LEKR1: variants seen among roughly 807,000 people sequenced by gnomAD.
The protein encoded by LEKR1 is leucine, glutamate and lysine rich 1, also known as protein LEKR1.
LEKR1 carries 59 observed loss-of-function variants against 72.4 expected under a neutral mutation model. The ratio of observed to expected loss-of-function variants is 0.82; its 90% CI spans 0.66 to 1.01. The LOEUF (loss-of-function observed/expected upper bound fraction) is 1.01. Among genes scored for constraint, LEKR1 ranks in the 50% least tolerant of loss-of-function variants. The pLI, the probability that LEKR1 is intolerant of heterozygous loss-of-function variation, is 0.00. For synonymous variants in LEKR1, 257 were observed against 263.2 expected (o/e 0.98, Z 0.23); for missense variants, 728 against 759.2 (o/e 0.96, Z 0.48).
rs187616472 is a variant in LEKR1 at position 156,875,614 on chromosome 3, A to G, written c.263+22632A>G. On this transcript the variant is annotated intron_variant, in intron 3 of 12. Transcript: ENST00000356539. ...GAACTTAATGACTACACCAACATCT[A>G]GAAGAGTTCCAATGTTATCTTCTGG... Among the ~76,000 whole-genome samples the G allele has an allele frequency of 3.0e-4, 46 of 152,242 alleles. 1 individual carries two copies. The highest frequency in any genetic ancestry group is 2.9e-5 in the Non-Finnish European group (2 of 68,028).
intron 2 of LEKR1, among the ~76,000 whole-genome samples, chr3:156,843,399 T>C (rs536883592): frequency 6.6e-6 from 1 of 152,244 alleles, no homozygotes; most frequent in South Asian, 2.1e-4. Flanking sequence ...TTTTGTTTTT[T>C]TAAAATGGTG....
chr3:156,992,869 A>T (rs2108009617), intron 8 of LEKR1, 139 bp downstream of exon 8: 1 of 385,324 alleles, frequency 2.6e-6, no homozygotes, highest in South Asian at 7.0e-5. Flanking sequence ...TCAAGCTTAT[A>T]TTATCTTGCA....
chr3:157,007,093 T>A (rs1732507149), intron 9 of LEKR1, among the ~76,000 whole-genome samples: 1 of 152,022 alleles, frequency 6.6e-6, no homozygotes, highest in Non-Finnish European at 1.5e-5. Flanking sequence ...TCCCAGCTAC[T>A]CGGGAGGCTG....
chr3:156,867,482 C>T (rs1717446633), intron 3 of LEKR1, among the ~76,000 whole-genome samples: 1 of 151,944 alleles, frequency 6.6e-6, no homozygotes, highest in Non-Finnish European at 1.5e-5. Context: ...TGAGGCCATT[C>T]CCTTTTCAGT....
chr3:156,849,661 G>A (rs1715089885), intron 2 of LEKR1, among the ~76,000 whole-genome samples: 2 of 152,156 alleles, frequency 1.3e-5, no homozygotes, highest in Non-Finnish European at 2.9e-5. Flanking sequence ...ATGGGGAAAG[G>A]ATTCCCTATT....
chr3:157,016,193 A>C (rs1319492155), intron 10 of LEKR1, among the ~76,000 whole-genome samples: 2 of 152,160 alleles, frequency 1.3e-5, no homozygotes, highest in Non-Finnish European at 2.9e-5. Flanking sequence ...GGAAAGTTTT[A>C]CAAATTTAAT....
chr3:156,999,297 A>G (rs1413028346), intron 9 of LEKR1, among the ~76,000 whole-genome samples: 1 of 152,174 alleles, frequency 6.6e-6, no homozygotes, highest in Non-Finnish European at 1.5e-5. Context: ...CATTATTTCA[A>G]GAGGTTTGTA....
At chr3:157,012,186 A>G (rs541615389) in intron 10 of LEKR1, among the ~76,000 whole-genome samples, 3 of 152,242 alleles carry the variant, frequency 2.0e-5, no homozygotes, top group East Asian at 3.9e-4. Flanking sequence ...TCTTTCTGCC[A>G]TAAACTTCCA....
intron 7 of LEKR1, among the ~76,000 whole-genome samples, chr3:156,982,852 T>G (rs1730316624): frequency 7.1e-6 from 1 of 140,036 alleles, no homozygotes; most frequent in South Asian, 2.3e-4. Context: ...TGTGTGTGTG[T>G]GTGTAGATAG....
intron 5 of LEKR1, among the ~76,000 whole-genome samples, chr3:156,928,202 A>G (rs951069848): frequency 6.6e-6 from 1 of 152,066 alleles, no homozygotes; most frequent in Non-Finnish European, 1.5e-5. Flanking sequence ...AATCTGTACA[A>G]TGCTACAATA....
At chr3:156,841,888 C>T (rs570221242) in intron 2 of LEKR1, among the ~76,000 whole-genome samples, 6 of 152,204 alleles carry the variant, frequency 3.9e-5, no homozygotes, top group Admixed American at 6.5e-5. Context: ...AACCCCTGGC[C>T]GCTGACTAGT....
chr3:156,968,354 CA>C (rs1286348180), intron 6 of LEKR1, among the ~76,000 whole-genome samples: 20 of 152,136 alleles, frequency 1.3e-4, no homozygotes, highest in Non-Finnish European at 2.9e-5. Context: ...AGTCAAGACC[CA>C]TCAGTGTGCT....
At chr3:156,829,247 C>T in intron 1 of LEKR1, 39 bp from the exon 2 acceptor site, 1 of 765,358 alleles carries the variant, frequency 1.3e-6, no homozygotes. Flanking sequence ...ATGTTCTCTA[C>T]ATTATTTCTG....
intron 1 of LEKR1, among the ~76,000 whole-genome samples, chr3:156,828,900 A>G (rs1712001957): frequency 6.6e-6 from 1 of 152,168 alleles, no homozygotes; most frequent in Non-Finnish European, 1.5e-5. Flanking sequence ...AAAATACTAT[A>G]TTTTCATACT....
intron 9 of LEKR1, among the ~76,000 whole-genome samples, chr3:157,004,878 T>C (rs766971514): frequency 8.6e-5 from 13 of 152,018 alleles, no homozygotes; most frequent in Non-Finnish European, 1.6e-4. Context: ...GCTTCCACTT[T>C]AGGCAATTAG....
intron 1 of LEKR1, among the ~76,000 whole-genome samples, chr3:156,828,614 G>C (rs1199789623): frequency 6.6e-6 from 1 of 151,728 alleles, no homozygotes; most frequent in South Asian, 2.1e-4. Flanking sequence ...AACCCAAAGT[G>C]CTCCTCCATT....
chr3:157,018,095 A>G (rs1309095742), intron 10 of LEKR1, among the ~76,000 whole-genome samples: 2 of 152,170 alleles, frequency 1.3e-5, no homozygotes, highest in Non-Finnish European at 2.9e-5. Context: ...TCAGTTCACC[A>G]GGAGGACATA....
At chr3:157,020,756 T>C (rs559631890) in intron 10 of LEKR1, among the ~76,000 whole-genome samples, 49 of 152,232 alleles carry the variant, frequency 3.2e-4, no homozygotes, top group Non-Finnish European at 5.4e-4. Flanking sequence ...CATGTGTCTT[T>C]ATAGCAGCAT....
chr3:156,840,258 G>A (rs1713733173), intron 2 of LEKR1, among the ~76,000 whole-genome samples: 1 of 152,074 alleles, frequency 6.6e-6, no homozygotes, highest in Admixed American at 6.6e-5. Flanking sequence ...CTATGTGGAG[G>A]GGAGGTTCGC....
Sources: allele counts gnomAD v4.1 joint callset (sites outside exome capture counted in the v4.1 genomes callset), GRCh38; gene constraint gnomAD v4.1.1; transcripts MANE v1.5; gene names NCBI Gene and HGNC (gene_info 2026-07-23, HGNC 2026-07-21).